BNC1: variants seen among roughly 807,000 people sequenced by gnomAD.
BNC1 encodes basonuclin zinc finger protein 1.
In BNC1, 8 loss-of-function variants were observed where a neutral mutation model predicts 66.5. The ratio of observed to expected loss-of-function variants is 0.12; its 90% confidence interval spans 0.07 to 0.22. BNC1 has a LOEUF of 0.22. Among genes scored for constraint, BNC1 ranks in the 10% least tolerant of loss-of-function variants. The pLI is 1.00. For missense variants in BNC1, 1,069 were observed against 1,241.3 expected (o/e 0.86, Z 2.09); for synonymous variants, 454 against 452.6 (o/e 1.00, Z -0.04).
intron 1 of BNC1, among the ~76,000 whole-genome samples, chr15:83,282,563 C>G (rs763788099): frequency 6.6e-6 from 1 of 152,014 alleles, no homozygotes; most frequent in African/African-American, 2.4e-5. Flanking sequence ...TATGTATCAA[C>G]GAATCTGGGA....
At chr15:83,269,081 G>C (rs547023338) in intron 1 of BNC1, among the ~76,000 whole-genome samples, 1 of 152,002 alleles carries the variant, frequency 6.6e-6, no homozygotes, top group Non-Finnish European at 1.5e-5. Context: ...AAAATTAGCC[G>C]GGCATGGTGG....
At chr15:83,272,196 T>C (rs1347610327) in intron 1 of BNC1, among the ~76,000 whole-genome samples, 3 of 152,238 alleles carry the variant, frequency 2.0e-5, no homozygotes, top group African/African-American at 7.2e-5. Context: ...GTTCTTATTT[T>C]GGATTATATC....
At chr15:83,274,707 A>G (rs1226507519) in intron 1 of BNC1, among the ~76,000 whole-genome samples, 1 of 152,242 alleles carries the variant, frequency 6.6e-6, no homozygotes, top group Non-Finnish European at 1.5e-5. Context: ...GCAGTTGGTG[A>G]GCCTTATTGA....
chr15:83,257,960 C>T lies in BNC1; in HGVS notation c.2467G>A (p.Gly823Arg). 2 of 1,614,186 alleles carry T rather than the reference C, an allele frequency of 1.2e-6. No homozygotes were observed. The highest frequency in any genetic ancestry group is 2.2e-5 in the South Asian group (2 of 91,088). Residue 823 changes from glycine to arginine, a missense_variant, in exon 5 of 5, where the codon GGA becomes AGA. Physicochemically the swap from Gly to Arg is moderately radical, Grantham distance 125. Coordinates refer to ENST00000345382, the MANE Select transcript of BNC1 (RefSeq NM_001717.4). Reference protein sequence around the residue: ...QASQTSVIFKGTSRMGSLVYP... With the variant: ...QASQTSVIFKRTSRMGSLVYP... Reference sequence around the variant, plus strand: ...ACCAGACTGCCCATTCGACTTGTTCCTTTGAAGATGACAGATGTCTGGGAG... The same window carrying T: ...ACCAGACTGCCCATTCGACTTGTTCTTTTGAAGATGACAGATGTCTGGGAG...
In BNC1 at chr15:83,258,015, G is replaced by C. The variant is rs367926071; in HGVS notation, c.2412C>G (p.Ala804=). ...AYLLKDVAKE[A]YQDVAFTQQA... The stretch of plus-strand genomic sequence containing the variant: ...GCTGTGTAAAAGCCACATCCTGATA[G>C]GCTTCCTTAGCCACATCTTTCAGAA... Residue 804 remains alanine, a synonymous_variant, in exon 5 of 5, where the codon GCC becomes GCG. Coordinates refer to ENST00000345382, the MANE Select transcript of BNC1 (RefSeq NM_001717.4). 1.6e-5 allele frequency: 26 copies of C among 1,614,000 alleles called. No individual in the cohort carries two copies. Among genetic ancestry groups the C allele is most frequent in the Non-Finnish European group, 2.2e-5 (26 of 1,179,990 alleles).
chr15:83,277,472 GCTAA>G (rs907097305), intron 1 of BNC1, among the ~76,000 whole-genome samples: 6 of 151,976 alleles, frequency 3.9e-5, no homozygotes, highest in Admixed American at 1.3e-4. Context: ...ACCACACCCG[GCTAA>G]CTTTTTGTAT....
At chr15:83,273,993 T>A (rs1257949806) in intron 1 of BNC1, among the ~76,000 whole-genome samples, 1 of 152,202 alleles carries the variant, frequency 6.6e-6, no homozygotes, top group East Asian at 1.9e-4. Flanking sequence ...CCCAGGGGGA[T>A]ATTCCTGGGG....
Position 83,264,349 on chromosome 15 carries a change from T to G in BNC1, c.902A>C (p.Lys301Thr). ...ATCCGGACAGTTTAAACACTGATCT[T>G]TTTCAACCTGAAATGGTGTGGAACT... ...TSSSTPFQVEKDQCLNCPDAI... is the reference protein window; with the variant it reads ...TSSSTPFQVETDQCLNCPDAI... The change falls in exon 4 of 5, where the codon AAA (lysine) becomes ACA (threonine). Residue 301 changes from lysine (K) to threonine (T), a missense_variant. Physicochemically the swap from Lys to Thr is moderately conservative, Grantham distance 78. This residue lies in a region of BNC1 where 181 missense variants were observed against 181.5 expected (regional missense o/e 1.00). Transcript: ENST00000345382. 5.0e-6 allele frequency: 8 copies of G among 1,614,152 alleles called. No homozygotes were observed. The highest frequency in any genetic ancestry group is 6.8e-6 in the Non-Finnish European group (8 of 1,180,014).
At chr15:83,262,576 C>G (rs191600115) in intron 4 of BNC1, among the ~76,000 whole-genome samples, 98 of 151,604 alleles carry the variant, frequency 6.5e-4, no homozygotes, top group African/African-American at 2.3e-3. Context: ...GTTTTGCAGC[C>G]AAATTAGGTT....
At chr15:83,260,261 T>G (rs1842837301) in intron 4 of BNC1, among the ~76,000 whole-genome samples, 1 of 152,206 alleles carries the variant, frequency 6.6e-6, no homozygotes, top group South Asian at 2.1e-4. Context: ...TAATGAGATT[T>G]ACAAAAATGT....
rs1470267305 is a variant in BNC1, at chr15:83,268,755, CCT to C, written c.100-525_100-524del. ...TAGCTGACTACACTGAGGATGATTC[CCT>C]GACGCCATTCACTGAACTATGTGAC... On this transcript the variant is annotated intron_variant, in intron 1 of 4. Coordinates refer to ENST00000345382, the MANE Select transcript of BNC1 (RefSeq NM_001717.4). 3.9e-5 allele frequency among the ~76,000 whole-genome samples: 6 copies of C among 152,146 alleles called. No individual in the cohort carries two copies. In the East Asian group the frequency reaches 7.7e-4, roughly 20 times the overall value.
At chr15:83,277,170 G>C (rs1219077458) in intron 1 of BNC1, among the ~76,000 whole-genome samples, 1 of 152,104 alleles carries the variant, frequency 6.6e-6, no homozygotes, top group East Asian at 1.9e-4. Context: ...TACCTCCCGG[G>C]ATCAAGGGAT....
In BNC1 at chr15:83,257,704, A is replaced by C. The variant is rs780371077; in HGVS notation, c.2723T>G (p.Ile908Ser). ...SLVPGEDEYP[I>S]CVLMEKADQS... ...GTCAGCCTTCTCCATCAGGACACAG[A>C]TGGGGTACTCATCTTCCCCAGGGAC... The change falls in exon 5 of 5, where the codon ATC becomes AGC. Residue 908 changes from isoleucine (I) to serine (S), a missense_variant. By Grantham distance (142) the Ile-to-Ser change is moderately radical. Coordinates refer to ENST00000345382, the MANE Select transcript of BNC1 (RefSeq NM_001717.4). 1.9e-6 allele frequency: 3 copies of C among 1,614,100 alleles called. No individual in the cohort carries two copies. In the South Asian group the frequency reaches 3.3e-5, roughly 18 times the overall value.
At chr15:83,282,440 A>G (rs1395891259) in intron 1 of BNC1, among the ~76,000 whole-genome samples, 2 of 152,280 alleles carry the variant, frequency 1.3e-5, no homozygotes, top group Non-Finnish European at 2.9e-5. Flanking sequence ...CCATCTTTTC[A>G]CACCTCTTTA....
intron 1 of BNC1, chr15:83,283,257 C>T (rs1307533193): frequency 1.3e-6 from 2 of 1,534,580 alleles, no homozygotes; most frequent in African/African-American, 2.7e-5. Flanking sequence ...AATATCAGAT[C>T]TCCTTCACTC....
At chr15:83,273,076 T>G (rs929796054) in intron 1 of BNC1, among the ~76,000 whole-genome samples, 1 of 152,190 alleles carries the variant, frequency 6.6e-6, no homozygotes, top group African/African-American at 2.4e-5. Flanking sequence ...TTAAATAATT[T>G]TGTCTATAAT....
Position 83,257,523 on chromosome 15 carries a change from C to G in BNC1, c.2904G>C (p.Ser968=). 3.1e-6 allele frequency: 5 copies of G among 1,614,096 alleles called. No homozygotes were observed. Among genetic ancestry groups the G allele is most frequent in the Non-Finnish European group, 4.2e-6 (5 of 1,180,026 alleles). ...CKVPGCNTMF[S]SVRSRNRHSQ... is the part of the protein sequence containing the mutation. ...TGTGTCTGTTTCGACTGCGAACAGACGAAAACATGGTGTTGCAGCCTGGTA... is the reference window on the plus strand; with the variant it reads ...TGTGTCTGTTTCGACTGCGAACAGAGGAAAACATGGTGTTGCAGCCTGGTA... The change falls in exon 5 of 5, where the codon TCG becomes TCC. Residue 968 remains serine, a synonymous_variant. Coordinates refer to ENST00000345382, the MANE Select transcript of BNC1 (RefSeq NM_001717.4).
Position 83,264,744 on chromosome 15 carries a change from C to G in BNC1, c.507G>C (p.Gln169His), listed in dbSNP as rs1462486443. 6.2e-7 allele frequency: 1 copy of G among 1,614,208 alleles called. No individual in the cohort carries two copies. The highest frequency in any genetic ancestry group is 8.5e-7 in the Non-Finnish European group (1 of 1,180,040). ...TSEEEVATLQ[Q>H]FLRFGETKSI... ...ATTTGGTCTCTCCAAAACGAAGGAACTGCTGCAAGGTGGCCACTTCTTCCT... is the reference window on the plus strand; with the variant it reads ...ATTTGGTCTCTCCAAAACGAAGGAAGTGCTGCAAGGTGGCCACTTCTTCCT... The change falls in exon 4 of 5, where the codon CAG becomes CAC. Residue 169 changes from glutamine (Q) to histidine (H), a missense_variant. Coordinates refer to ENST00000345382, the MANE Select transcript of BNC1 (RefSeq NM_001717.4).
At position 83,263,415 on chromosome 15, in the gene BNC1, T is replaced by A; in HGVS notation, c.1836A>T (p.Glu612Asp). 1 of 1,614,206 alleles carries A rather than the reference T, an allele frequency of 6.2e-7. No homozygotes were observed. Among genetic ancestry groups the A allele is most frequent in the Non-Finnish European group, 8.5e-7 (1 of 1,180,026 alleles). ...FPEGERPCHR[E>D]SVIESSGAIS... is the part of the protein sequence containing the mutation. ...TGGCTCCACTGGACTCAATTACTGA[T>A]TCACGATGGCAGGGCCTCTCCCCTT... The change falls in exon 4 of 5, where the codon GAA (glutamate) becomes GAT (aspartate). Residue 612 changes from glutamate (E) to aspartate (D), a missense_variant. Coordinates refer to ENST00000345382, the MANE Select transcript of BNC1 (RefSeq NM_001717.4).
Sources: allele counts gnomAD v4.1 joint callset (sites outside exome capture counted in the v4.1 genomes callset), GRCh38; gene constraint gnomAD v4.1.1; regional missense constraint gnomAD v4.1.1; transcripts MANE v1.5; gene names NCBI Gene and HGNC (gene_info 2026-07-23, HGNC 2026-07-21).